Variants in PRELID3B observed in about 807,000 individuals in gnomAD.
PRELID3B encodes PRELI domain containing 3B, also known as PRELI domain containing protein 3B.
Under a neutral mutation model 24.0 loss-of-function variants are expected in PRELID3B, and 15 were observed. The ratio of observed to expected loss-of-function variants is 0.63; its 90% CI spans 0.42 to 0.96. The LOEUF is 0.96. PRELID3B is among the 40% of genes least tolerant of loss of function. The probability of loss-of-function intolerance (pLI) is 0.00; values close to 1 mark genes in which losing one functional copy is unlikely to be tolerated. For missense variants in PRELID3B, 189 were observed against 236.0 expected (o/e 0.80, Z 1.30); for synonymous variants, 62 against 76.0 (o/e 0.82, Z 0.96).
chr20:59,035,181 C>A, intron 5 of PRELID3B, 55 bp from the exon 6 acceptor site: 1 of 1,519,832 alleles, frequency 6.6e-7, no homozygotes, highest in South Asian at 1.3e-5. Flanking sequence ...AGGCATATAT[C>A]GAACTAATGA....
In PRELID3B at chr20:59,034,982, C is replaced by T. The variant is rs1215274266; in HGVS notation, c.*25G>A. The stretch of plus-strand genomic sequence containing the variant: ...TCAGTTTGGAGAGACCTGGAGTACC[C>T]GATGTTGTCTACCAACTGTCACGAT... On this transcript the variant is annotated 3_prime_UTR_variant, in exon 6 of 6. Coordinates refer to ENST00000355937, the MANE Select transcript of PRELID3B (RefSeq NM_016045.3). 17 of 1,600,908 alleles carry T rather than the reference C, an allele frequency of 1.1e-5. No homozygotes were observed. Among genetic ancestry groups the T allele is most frequent in the Admixed American group, 1.7e-5 (1 of 57,876 alleles).
intron 5 of PRELID3B, 124 bp from the exon 6 acceptor site, chr20:59,035,250 G>A (rs575855806): frequency 3.3e-5 from 28 of 839,720 alleles, no homozygotes; most frequent in African/African-American, 6.9e-5. Flanking sequence ...ATGACAGATC[G>A]TTTTTGTCCT....
At chr20:59,037,488 C>T (rs936782752) in intron 2 of PRELID3B, among the ~76,000 whole-genome samples, 2 of 152,160 alleles carry the variant, frequency 1.3e-5, no homozygotes, top group Non-Finnish European at 2.9e-5. Flanking sequence ...AAACTTTTCC[C>T]GGAGGCAATT....
chr20:59,042,761 G>A lies in PRELID3B; in HGVS notation c.-31C>T, dbSNP rs1184143830. ...CGGCACCCTGAGAGATGTCCGGGTAGCGCCAGGGGACAACGAGGCACAGAG... is the reference window on the plus strand; with the variant it reads ...CGGCACCCTGAGAGATGTCCGGGTAACGCCAGGGGACAACGAGGCACAGAG... On this transcript the variant is annotated 5_prime_UTR_variant, in exon 1 of 6. Coordinates refer to ENST00000355937, the MANE Select transcript of PRELID3B (RefSeq NM_016045.3). 6.9e-6 allele frequency: 11 copies of A among 1,594,924 alleles called. No homozygotes were observed. Among genetic ancestry groups the A allele is most frequent in the Non-Finnish European group, 9.4e-6 (11 of 1,171,582 alleles).
chr20:59,041,303 C>T (rs1335717944), intron 1 of PRELID3B, among the ~76,000 whole-genome samples: 4 of 152,168 alleles, frequency 2.6e-5, no homozygotes, highest in African/African-American at 4.8e-5. Flanking sequence ...CCCAAAAAGA[C>T]TAAACAGTAG....
Position 59,036,493 on chromosome 20 carries a change from G to GTA in PRELID3B, c.441_442dup (p.Thr148IlefsTer17). ...TACTTTACTAGCATTTGAGGATATC[G>GTA]TACTTGCCATCAGTCCTTCAAGGTA... On this transcript the variant is annotated frameshift_variant, in exon 5 of 6. Coordinates refer to ENST00000355937, the MANE Select transcript of PRELID3B (RefSeq NM_016045.3). LOFTEE classifies it high-confidence loss of function. 2 of 1,613,232 alleles carry GTA rather than the reference G, an allele frequency of 1.2e-6. No individual in the cohort carries two copies. The highest frequency in any genetic ancestry group is 1.7e-6 in the Non-Finnish European group (2 of 1,179,292).
chr20:59,037,308 C>T, intron 2 of PRELID3B, 28 bp from the exon 3 acceptor site: 1 of 1,502,034 alleles, frequency 6.7e-7, no homozygotes, highest in Non-Finnish European at 9.3e-7. Context: ...AACTAGGAAT[C>T]AGAGGAGGAA....
intron 1 of PRELID3B, among the ~76,000 whole-genome samples, chr20:59,041,146 T>G (rs1253900058): frequency 6.6e-6 from 1 of 152,150 alleles, no homozygotes; most frequent in Non-Finnish European, 1.5e-5. Flanking sequence ...CGAGAACCTC[T>G]GAAGCATGCA....
chr20:59,036,653 C>T, intron 4 of PRELID3B, 37 bp downstream of exon 4: 1 of 1,573,934 alleles, frequency 6.4e-7, no homozygotes. Context: ...CCTTAAACAC[C>T]CTTTACGATA....
rs761380944 is a variant in PRELID3B, at chr20:59,036,496, C to T, written c.440G>A (p.Ser147Asn). ...LSSYLEGLMA[S>N]TISSNASKGR... The stretch of plus-strand genomic sequence containing the variant: ...TTTACTAGCATTTGAGGATATCGTA[C>T]TTGCCATCAGTCCTTCAAGGTAACT... Residue 147 changes from serine (S) to asparagine (N), a missense_variant, in exon 5 of 6, where the codon AGT becomes AAT. Transcript: ENST00000355937. The T allele has an allele frequency of 2.4e-5, 39 of 1,613,808 alleles. No individual in the cohort carries two copies. The highest frequency in any genetic ancestry group is 3.3e-5 in the Non-Finnish European group (39 of 1,179,734).
chr20:59,036,773 G>GAAA lies in PRELID3B; in HGVS notation c.292-16_292-14dup, dbSNP rs767856307. 10 of 1,109,352 alleles carry GAAA rather than the reference G, an allele frequency of 9.0e-6. No homozygotes were observed. Among genetic ancestry groups the GAAA allele is most frequent in the South Asian group, 3.5e-5 (2 of 57,618 alleles). 68.7% of individuals were successfully genotyped at this position (1,109,352 alleles called of 1,614,324 possible). On this transcript the variant is annotated splice_polypyrimidine_tract_variant and intron_variant, in intron 3 of 5. Coordinates refer to ENST00000355937, the MANE Select transcript of PRELID3B (RefSeq NM_016045.3). ...TTGTAAATGAAATCTACAGAATGAA[G>GAAA]AAAAAAAAAAAAGATCAAATCATTT...
intron 2 of PRELID3B, among the ~76,000 whole-genome samples, chr20:59,037,946 T>C (rs920812652): frequency 5.9e-5 from 9 of 152,240 alleles, no homozygotes; most frequent in African/African-American, 2.2e-4. Flanking sequence ...TCTCGCATTA[T>C]GGTAAACTGG....
intron 5 of PRELID3B, 37 bp from the exon 6 acceptor site, chr20:59,035,163 G>T (rs1214714878): frequency 6.3e-7 from 1 of 1,577,888 alleles, no homozygotes. Flanking sequence ...GTTACTGAGG[G>T]AGAGCAAAGG....
In PRELID3B at chr20:59,034,985, T is replaced by TG. The variant is rs1457235353; in HGVS notation, c.*21dup. On this transcript the variant is annotated 3_prime_UTR_variant, in exon 6 of 6. Transcript: ENST00000355937. Reference sequence around the variant, plus strand: ...GTTTGGAGAGACCTGGAGTACCCGATGTTGTCTACCAACTGTCACGATCAC... The same window carrying TG: ...GTTTGGAGAGACCTGGAGTACCCGATGGTTGTCTACCAACTGTCACGATCAC... 6.2e-7 allele frequency: 1 copy of TG among 1,602,756 alleles called. No homozygotes were observed. Among genetic ancestry groups the TG allele is most frequent in the Admixed American group, 1.7e-5 (1 of 58,066 alleles).
rs550503229 is a variant in PRELID3B, at chr20:59,034,626, C to T, written c.*381G>A. On this transcript the variant is annotated 3_prime_UTR_variant, in exon 6 of 6. Transcript: ENST00000355937. ...AAGTGTACAGCAGCAGGGCAATGGG[C>T]GTCTATAGGAGGTGGCTCTGCTCTG... 34 of 162,906 alleles carry T rather than the reference C, an allele frequency of 2.1e-4. No individual in the cohort carries two copies. Among genetic ancestry groups the T allele is most frequent in the Admixed American group, 3.1e-4 (5 of 16,062 alleles). 10.1% of individuals were successfully genotyped at this position (162,906 alleles called of 1,614,324 possible).
chr20:59,036,760 T>TATTA lies in PRELID3B; in HGVS notation c.292-1_292insTAAT (p.Ile98Ter). ...ACTGAAACCATGTTTGTAAATGAAATCTACAGAATGAAGAAAAAAAAAAAA... is the reference window on the plus strand; with the variant it reads ...ACTGAAACCATGTTTGTAAATGAAATATTACTACAGAATGAAGAAAAAAAAAAAA... On this transcript the variant is annotated stop_gained and frameshift_variant and splice_region_variant. Coordinates refer to ENST00000355937, the MANE Select transcript of PRELID3B (RefSeq NM_016045.3). LOFTEE classifies it high-confidence loss of function. 1.3e-6 allele frequency: 2 copies of TATTA among 1,542,242 alleles called. No homozygotes were observed. The highest frequency in any genetic ancestry group is 2.8e-5 in the African/African-American group (2 of 71,772).
chr20:59,035,747 T>C (rs1376659813), intron 5 of PRELID3B, among the ~76,000 whole-genome samples: 5 of 152,252 alleles, frequency 3.3e-5, no homozygotes, highest in Admixed American at 3.3e-4. Context: ...GTATGATTAA[T>C]GTCACCTGCC....
rs2092100348 is a variant in PRELID3B at position 59,040,033 on chromosome 20, CAT to C, written c.33-1401_33-1400del. 6.6e-6 allele frequency among the ~76,000 whole-genome samples: 1 copy of C among 152,174 alleles called. No individual in the cohort carries two copies. The highest frequency in any genetic ancestry group is 2.4e-5 in the African/African-American group (1 of 41,454). Reference sequence around the variant, plus strand: ...ATCAGATGAACCCTCCCCAGGTCTCCATCCAGTCATATGCCATGGTTAGCTGG... The same window carrying C: ...ATCAGATGAACCCTCCCCAGGTCTCCCCAGTCATATGCCATGGTTAGCTGG... On this transcript the variant is annotated intron_variant, in intron 1 of 5. Transcript: ENST00000355937. The surrounding 1 kb of genome is among the most constrained non-coding windows in gnomAD (Gnocchi z 4.1).
chr20:59,037,492 G>A (rs1485275581), intron 2 of PRELID3B, among the ~76,000 whole-genome samples: 1 of 152,208 alleles, frequency 6.6e-6, no homozygotes, highest in African/African-American at 2.4e-5. Context: ...TTTTCCCGGA[G>A]GCAATTAGAA....
Sources: gnomAD v4.1 joint callset for allele counts (sites outside exome capture counted in the v4.1 genomes callset) on GRCh38, gnomAD v4.1.1 for gene constraint, Gnocchi (gnomAD v3.1) non-coding constraint, MANE v1.5 for transcripts, NCBI Gene and HGNC (gene_info 2026-07-23, HGNC 2026-07-21) for gene names.